Variants in PDGFD observed in about 807,000 individuals in gnomAD.
PDGFD encodes the protein platelet derived growth factor D.
PDGFD carries 30 observed loss-of-function variants against 44.7 expected under a neutral mutation model. The ratio of observed to expected loss-of-function variants is 0.67; its 90% confidence interval spans 0.50 to 0.91. The LOEUF (loss-of-function observed/expected upper bound fraction) is 0.91. Among genes scored for constraint, PDGFD ranks in the 40% least tolerant of loss-of-function variants. The pLI, the probability that PDGFD is intolerant of heterozygous loss-of-function variation, is 0.00. For synonymous variants in PDGFD, 173 were observed against 168.4 expected (o/e 1.03, Z -0.21); for missense variants, 445 against 457.8 (o/e 0.97, Z 0.25).
Position 104,129,056 on chromosome 11 carries a change from T to C in PDGFD, c.124+34748A>G, listed in dbSNP as rs574824676. On this transcript the variant is annotated intron_variant, in intron 1 of 6. Coordinates refer to ENST00000393158, the MANE Select transcript of PDGFD (RefSeq NM_025208.5). The stretch of plus-strand genomic sequence containing the variant: ...ATCGCACATGTTCTGCAGTTATATA[T>C]TGAACATTTTGAAATAAACTGGAAA... 2.6e-5 allele frequency among the ~76,000 whole-genome samples: 4 copies of C among 152,180 alleles called. No individual in the cohort carries two copies. In the East Asian group the frequency reaches 7.7e-4, roughly 29 times the overall value.
At chr11:104,041,725 T>A (rs1195558774) in intron 1 of PDGFD, among the ~76,000 whole-genome samples, 1 of 152,202 alleles carries the variant, frequency 6.6e-6, no homozygotes, top group East Asian at 1.9e-4. Context: ...AAGATGGATG[T>A]TGTTTGAGAT....
intron 6 of PDGFD, among the ~76,000 whole-genome samples, chr11:103,914,754 C>T (rs1352564303): frequency 6.6e-6 from 1 of 152,272 alleles, no homozygotes; most frequent in East Asian, 1.9e-4. Context: ...CTACCATGAT[C>T]AAGTTGGCGT....
At chr11:103,988,371 A>C (rs189074122) in intron 3 of PDGFD, among the ~76,000 whole-genome samples, 4 of 152,042 alleles carry the variant, frequency 2.6e-5, no homozygotes, top group Admixed American at 6.6e-5. Flanking sequence ...GTGTCATTAC[A>C]CAGCATCCCT....
At chr11:104,161,033 G>T (rs1299135804) in intron 1 of PDGFD, among the ~76,000 whole-genome samples, 1 of 152,130 alleles carries the variant, frequency 6.6e-6, no homozygotes, top group East Asian at 1.9e-4. Flanking sequence ...AGGACACCCG[G>T]CTTTTTTGCT....
chr11:104,106,190 T>C (rs571225603), intron 1 of PDGFD, among the ~76,000 whole-genome samples: 1 of 152,236 alleles, frequency 6.6e-6, no homozygotes, highest in East Asian at 1.9e-4. Context: ...ATCTCAAACC[T>C]CCACGCACGA....
intron 1 of PDGFD, among the ~76,000 whole-genome samples, chr11:104,115,179 G>C (rs1861614735): frequency 6.6e-6 from 1 of 151,170 alleles, no homozygotes; most frequent in South Asian, 2.1e-4. Context: ...ACTTCACTTA[G>C]AGTAATAGTC....
At chr11:104,103,740 G>T (rs1193355233) in intron 1 of PDGFD, among the ~76,000 whole-genome samples, 2 of 151,840 alleles carry the variant, frequency 1.3e-5, no homozygotes, top group Non-Finnish European at 2.9e-5. Context: ...GCTGGTGTAA[G>T]CAAACTTACT....
At chr11:104,108,752 G>A (rs1465468984) in intron 1 of PDGFD, among the ~76,000 whole-genome samples, 6 of 152,130 alleles carry the variant, frequency 3.9e-5, no homozygotes, top group African/African-American at 9.6e-5. Context: ...ACATGCACAC[G>A]TGTGTTTATT....
chr11:103,931,795 C>T (rs1858403593), intron 5 of PDGFD, among the ~76,000 whole-genome samples: 1 of 151,988 alleles, frequency 6.6e-6, no homozygotes, highest in Non-Finnish European at 1.5e-5. Flanking sequence ...CATGTTGGCA[C>T]CAGTAATCAT....
intron 1 of PDGFD, among the ~76,000 whole-genome samples, chr11:104,151,959 G>A (rs1276876902): frequency 6.6e-6 from 1 of 151,874 alleles, no homozygotes; most frequent in African/African-American, 2.4e-5. Flanking sequence ...GTCACATAAC[G>A]GTGGCACTCA....
At chr11:103,997,893 G>A (rs1390094725) in intron 2 of PDGFD, among the ~76,000 whole-genome samples, 4 of 151,938 alleles carry the variant, frequency 2.6e-5, no homozygotes, top group Admixed American at 6.6e-5. Context: ...TCTCTTTCCC[G>A]TCTTTCTCTC....
intron 1 of PDGFD, among the ~76,000 whole-genome samples, chr11:104,027,818 G>T (rs1402188590): frequency 6.6e-6 from 1 of 152,164 alleles, no homozygotes; most frequent in African/African-American, 2.4e-5. Context: ...TTGGTCACAA[G>T]GGCAGATTGA....
In PDGFD at chr11:103,983,951, C is replaced by T. The variant is rs190035053; in HGVS notation, c.510+12114G>A. 4.4e-3 allele frequency among the ~76,000 whole-genome samples: 661 copies of T among 151,586 alleles called. 25 individuals are homozygous for T. The highest frequency in any genetic ancestry group is 0.014 in the African/African-American group (587 of 41,066). ...AGAAAAACGAATGCTTATACACTGTCGGTGGAAGTGTAAATCAGTTCAGCC... is the reference window on the plus strand; with the variant it reads ...AGAAAAACGAATGCTTATACACTGTTGGTGGAAGTGTAAATCAGTTCAGCC... On this transcript the variant is annotated intron_variant, in intron 3 of 6. Coordinates refer to ENST00000393158, the MANE Select transcript of PDGFD (RefSeq NM_025208.5).
chr11:104,146,187 T>C (rs1862159939), intron 1 of PDGFD, among the ~76,000 whole-genome samples: 1 of 152,232 alleles, frequency 6.6e-6, no homozygotes, highest in Admixed American at 6.5e-5. Flanking sequence ...CTTTTTTGTA[T>C]TCATGTTTGG....
intron 1 of PDGFD, among the ~76,000 whole-genome samples, chr11:104,154,400 C>T (rs1862280139): frequency 1.3e-5 from 2 of 152,120 alleles, no homozygotes; most frequent in African/African-American, 4.8e-5. Context: ...CGATGGGCAG[C>T]GTCAAGGCAA....
intron 5 of PDGFD, among the ~76,000 whole-genome samples, chr11:103,938,238 T>C (rs1218718829): frequency 2.6e-5 from 4 of 152,192 alleles, no homozygotes; most frequent in East Asian, 1.9e-4. Context: ...TTTTTAATGA[T>C]TGCCATTCTA....
Position 103,909,630 on chromosome 11 carries a change from T to G in PDGFD, c.*64A>C. 6.3e-7 allele frequency: 1 copy of G among 1,592,400 alleles called. No homozygotes were observed. The highest frequency in any genetic ancestry group is 8.6e-7 in the Non-Finnish European group (1 of 1,162,106). ...TTTGGTTGCTGGTAGGAAAAGGGTC[T>G]CTTATCTCACCCTCCTTAAACTAAA... is the stretch of plus-strand genomic sequence containing the variant. On this transcript the variant is annotated 3_prime_UTR_variant, in exon 7 of 7. Coordinates refer to ENST00000393158, the MANE Select transcript of PDGFD (RefSeq NM_025208.5).
At chr11:104,031,132 T>C (rs1860117836) in intron 1 of PDGFD, among the ~76,000 whole-genome samples, 2 of 152,002 alleles carry the variant, frequency 1.3e-5, no homozygotes, top group African/African-American at 4.8e-5. Flanking sequence ...AAAGCAAAAA[T>C]TGGCAAATGG....
chr11:104,060,175 T>A (rs1399768893), intron 1 of PDGFD, among the ~76,000 whole-genome samples: 2 of 152,240 alleles, frequency 1.3e-5, no homozygotes. Flanking sequence ...ATTGTACAGA[T>A]CCACTGTGTT....
Sources: gnomAD v4.1 joint callset for allele counts (sites outside exome capture counted in the v4.1 genomes callset) on GRCh38, gnomAD v4.1.1 for gene constraint, MANE v1.5 for transcripts, NCBI Gene and HGNC (gene_info 2026-07-23, HGNC 2026-07-21) for gene names.